The following SELENOO variants were observed in gnomAD, a reference collection of about 807,000 sequenced individuals.
SELENOO encodes the protein selenoprotein O, also known as protein adenylyltransferase SelO, mitochondrial.
SELENOO carries 74 observed loss-of-function variants against 58.7 expected under a neutral mutation model. That is an observed-to-expected ratio of 1.26 (90% CI 1.04 to 1.53). The LOEUF (loss-of-function observed/expected upper bound fraction) is 1.53. SELENOO is among the 40% of genes most tolerant of loss of function. The pLI is 0.00. For synonymous variants in SELENOO, 543 were observed against 453.2 expected (o/e 1.20, Z -2.52); for missense variants, 1,149 against 970.0 (o/e 1.18, Z -2.45).
intron 5 of SELENOO, among the ~76,000 whole-genome samples, chr22:50,214,585 A>G (rs2064392870): frequency 6.6e-6 from 1 of 151,262 alleles, no homozygotes; most frequent in Non-Finnish European, 1.5e-5. Flanking sequence ...CCTAGGCAAC[A>G]AGAGCAAGAC....
chr22:50,217,616 A>AGTCT (rs1173675458), downstream of SELENOO: 5 of 1,069,684 alleles, frequency 4.7e-6, no homozygotes. Context: ...AACTCCCTCG[A>AGTCT]GTCTGTCTCT....
chr22:50,205,269 G>A (rs563802330), intron 1 of SELENOO, among the ~76,000 whole-genome samples: 1 of 152,222 alleles, frequency 6.6e-6, no homozygotes, highest in African/African-American at 2.4e-5. Context: ...GTATTTAATA[G>A]CACTGATCTG....
chr22:50,216,085 G>A (rs761554890), intron 6 of SELENOO, among the ~76,000 whole-genome samples: 2 of 152,186 alleles, frequency 1.3e-5, no homozygotes, highest in Non-Finnish European at 2.9e-5. Flanking sequence ...AGGTGTGGGG[G>A]CAGACAGTGG....
Position 50,217,450 on chromosome 22 carries a change from C to T in SELENOO, c.*81C>T. ...AGTGGCCAAGATGATGCCAGGCTGC[C>T]CTATACACTGGGGGATTCTGCCCTG... On this transcript the variant is annotated 3_prime_UTR_variant, in exon 9 of 9. Transcript: ENST00000380903. 2.0e-6 allele frequency: 3 copies of T among 1,509,912 alleles called. No homozygotes were observed. Among genetic ancestry groups the T allele is most frequent in the East Asian group, 2.4e-5 (1 of 42,048 alleles). 93.5% of individuals were successfully genotyped at this position (1,509,912 alleles called of 1,614,324 possible).
At chr22:50,214,741 G>A (rs978364468) in intron 5 of SELENOO, among the ~76,000 whole-genome samples, 3 of 152,226 alleles carry the variant, frequency 2.0e-5, no homozygotes, top group African/African-American at 4.8e-5. Context: ...CTCCAGCCCC[G>A]GCAACAGAGC....
At chr22:50,215,397 T>C (rs558318226) in intron 5 of SELENOO, among the ~76,000 whole-genome samples, 1 of 150,740 alleles carries the variant, frequency 6.6e-6, no homozygotes, top group Non-Finnish European at 1.5e-5. Flanking sequence ...CCAGGACCAA[T>C]GCTGAGCGGG....
chr22:50,208,571 A>G lies in SELENOO; in HGVS notation c.794A>G (p.Glu265Gly). Residue 265 changes from glutamate to glycine, a missense_variant, in exon 3 of 9, where the codon GAG becomes GGG. Physicochemically the swap from Glu to Gly is moderately conservative, Grantham distance 98. Transcript: ENST00000380903. ...GSFEIFKSAD[E>G]HTGRAGPSVG... ...TTTGAGATTTTTAAGTCTGCAGATG[A>G]GCACACAGGGCGTGCAGGCCCCAGC... 1 of 1,613,690 alleles carries G rather than the reference A, an allele frequency of 6.2e-7. No individual in the cohort carries two copies. The highest frequency in any genetic ancestry group is 1.1e-5 in the South Asian group (1 of 91,058).
chr22:50,217,457 A>T lies in SELENOO; in HGVS notation c.*88A>T. 2 of 1,473,482 alleles carry T rather than the reference A, an allele frequency of 1.4e-6. No individual in the cohort carries two copies. Among genetic ancestry groups the T allele is most frequent in the South Asian group, 1.2e-5 (1 of 81,518 alleles). 91.3% of individuals were successfully genotyped at this position (1,473,482 alleles called of 1,614,324 possible). On this transcript the variant is annotated 3_prime_UTR_variant, in exon 9 of 9. Transcript: ENST00000380903. Reference sequence around the variant, plus strand: ...AAGATGATGCCAGGCTGCCCTATACACTGGGGGATTCTGCCCTGGCCCATG... The same window carrying T: ...AAGATGATGCCAGGCTGCCCTATACTCTGGGGGATTCTGCCCTGGCCCATG...
chr22:50,215,635 T>TGG (rs10605825), intron 5 of SELENOO, 82 bp from the exon 6 acceptor site: 223 of 893,264 alleles, frequency 2.5e-4, no homozygotes, highest in East Asian at 2.2e-3. Context: ...GCCAGGGGGG[T>TGG]GGGGGGGGGG....
In SELENOO at chr22:50,201,380, A is replaced by G; in HGVS notation, c.344A>G (p.Glu115Gly). The change falls in exon 1 of 9, where the codon GAG (glutamate) becomes GGG (glycine). Residue 115 changes from glutamate (E) to glycine (G), a missense_variant. Glu to Gly is a moderately conservative substitution (Grantham distance 98). Transcript: ENST00000380903. ...GGCCTGGGCGCGCCGCCCGCGCGCG[A>G]GGCCGAGGCCGAGGCCGCGCTGTTC... ...LLGLGAPPAR[E>G]AEAEAALFFS... The G allele has an allele frequency of 8.2e-7, 1 of 1,221,772 alleles. No homozygotes were observed. Among genetic ancestry groups the G allele is most frequent in the South Asian group, 3.2e-5 (1 of 30,912 alleles). The allele number at this position is 1,221,772 out of a possible 1,614,324, so 75.7% of individuals were successfully genotyped here.
chr22:50,211,124 C>T (rs1465250884), intron 5 of SELENOO, among the ~76,000 whole-genome samples: 1 of 152,132 alleles, frequency 6.6e-6, no homozygotes, highest in Non-Finnish European at 1.5e-5. Context: ...GTAGTGACTG[C>T]TTATTTCACT....
Position 50,208,703 on chromosome 22 carries a change from C to A in SELENOO, c.926C>A (p.Ala309Asp), listed in dbSNP as rs1032330017. The A allele has an allele frequency of 4.3e-6, 7 of 1,612,498 alleles. No homozygotes were observed. The Admixed American group carries it at 1.2e-4, about 27-fold the overall frequency. Residue 309 changes from alanine to aspartate, a missense_variant, in exon 3 of 9, where the codon GCC becomes GAC. Coordinates refer to ENST00000380903, the MANE Select transcript of SELENOO (RefSeq NM_031454.2). ...AGCGACAGCGTGCAGAGAAATGCTG[C>A]CTTCTTCCGGGAGGTCAGTGGGCCG... ...HASDSVQRNA[A>D]FFREVTRRTA... is the part of the protein sequence containing the mutation.
Position 50,215,656 on chromosome 22 carries a change from G to A in SELENOO, c.1352-61G>A, listed in dbSNP as rs2064401831. The A allele has an allele frequency of 2.9e-6, 4 of 1,382,342 alleles. No homozygotes were observed. The South Asian group carries it at 5.3e-5, about 18-fold the overall frequency. The allele number at this position is 1,382,342 out of a possible 1,614,324, so 85.6% of individuals were successfully genotyped here. A position where few individuals can be genotyped will look rare whatever the true frequency, so the allele number is the denominator to read the frequency against. On this transcript the variant is annotated intron_variant, in intron 5 of 8. Transcript: ENST00000380903. ...GGGGTGGGGGGGGGGGGGTCTGTGT[G>A]GCACCAGGACAGGGACCCTGGGCCT...
rs567229022 is a variant in SELENOO, at chr22:50,212,441, C to T, written c.1351+1530C>T. Among the ~76,000 whole-genome samples, 13 of 152,288 alleles carry T rather than the reference C, an allele frequency of 8.5e-5. No homozygotes were observed. The South Asian group carries it at 2.5e-3, about 29-fold the overall frequency. ...AATTTTGGCATATAATTGTTCGTAG[C>T]AGTTTTTTACAATTTCATTGTGGTA... On this transcript the variant is annotated intron_variant, in intron 5 of 8. Coordinates refer to ENST00000380903, the MANE Select transcript of SELENOO (RefSeq NM_031454.2).
rs1397152516 is a variant in SELENOO, at chr22:50,217,133, G to GC, written c.1845+6dup. The GC allele has an allele frequency of 6.2e-7, 1 of 1,612,296 alleles. No individual in the cohort carries two copies. The highest frequency in any genetic ancestry group is 8.5e-7 in the Non-Finnish European group (1 of 1,179,344). ...GAGCGCGGGGACTTCTCAGAGGCAA[G>GC]CACACGCCTGTCCCTGTGGTCCCTG... On this transcript the variant is annotated splice_donor_region_variant and intron_variant, in intron 8 of 8. Transcript: ENST00000380903.
chr22:50,215,750 G>C lies in SELENOO; in HGVS notation c.1385G>C (p.Ser462Thr). ...ADFTNTFYLL[S>T]SFPVELESPG... ...TTCACAAACACCTTCTACTTGCTGA[G>C]CTCCTTCCCAGTGGAGCTAGAGTCG... The change falls in exon 6 of 9, where the codon AGC becomes ACC. Residue 462 changes from serine to threonine, a missense_variant. Physicochemically the swap from Ser to Thr is moderately conservative, Grantham distance 58. Coordinates refer to ENST00000380903, the MANE Select transcript of SELENOO (RefSeq NM_031454.2). 1 of 1,609,450 alleles carries C rather than the reference G, an allele frequency of 6.2e-7. No homozygotes were observed. Among genetic ancestry groups the C allele is most frequent in the East Asian group, 2.2e-5 (1 of 44,784 alleles).
At chr22:50,215,625 G>A in intron 5 of SELENOO, 92 bp from the exon 6 acceptor site, 1 of 1,197,472 alleles carries the variant, frequency 8.4e-7, no homozygotes. Context: ...CAGCACCTGT[G>A]CCAGGGGGGT....
Position 50,201,568 on chromosome 22 carries a change from G to C in SELENOO, c.532G>C (p.Ala178Pro). The change falls in exon 1 of 9, where the codon GCC becomes CCC. Residue 178 changes from alanine to proline, a missense_variant. Physicochemically the swap from Ala to Pro is conservative, Grantham distance 27. Coordinates refer to ENST00000380903, the MANE Select transcript of SELENOO (RefSeq NM_031454.2). ...GERWELQLKG[A>P]GPTPFSRQAD... is the part of the protein sequence containing the mutation. Reference sequence around the variant, plus strand: ...GCGCTGGGAGCTGCAGCTCAAGGGCGCCGGGCCCACGCCCTTCTCCAGGTG... The same window carrying C: ...GCGCTGGGAGCTGCAGCTCAAGGGCCCCGGGCCCACGCCCTTCTCCAGGTG... 7.4e-7 allele frequency: 1 copy of C among 1,357,688 alleles called. No homozygotes were observed. The highest frequency in any genetic ancestry group is 1.6e-5 in the South Asian group (1 of 61,470). The allele number at this position is 1,357,688 out of a possible 1,614,324, so 84.1% of individuals were successfully genotyped here.
chr22:50,202,754 A>G (rs975376459), intron 1 of SELENOO, among the ~76,000 whole-genome samples: 5 of 152,138 alleles, frequency 3.3e-5, no homozygotes, highest in African/African-American at 1.2e-4. Flanking sequence ...CTGCTAGAAT[A>G]TATTTTCTCC....
Sources: gnomAD v4.1 joint callset for allele counts (sites outside exome capture counted in the v4.1 genomes callset) on GRCh38, gnomAD v4.1.1 for gene constraint, MANE v1.5 for transcripts, NCBI Gene and HGNC (gene_info 2026-07-23, HGNC 2026-07-21) for gene names.